ST3GAL6: variants seen among roughly 807,000 people sequenced by gnomAD.
ST3GAL6 encodes type 2 lactosamine alpha-2,3-sialyltransferase.
A neutral mutation model predicts 40.5 loss-of-function variants in ST3GAL6; 31 were observed. That is an observed-to-expected ratio of 0.77 (90% confidence interval 0.58 to 1.03). The LOEUF is 1.03. Ranked by LOEUF, ST3GAL6 falls within the 50% of genes least tolerant of loss-of-function variation. The pLI, the probability that ST3GAL6 is intolerant of heterozygous loss-of-function variation, is 0.00. For missense variants in ST3GAL6, 357 were observed against 393.2 expected, an observed-to-expected ratio of 0.91 and a Z score of 0.78; for synonymous variants, 129 against 136.9, an observed-to-expected ratio of 0.94 and a Z score of 0.40.
intron 8 of ST3GAL6, among the ~76,000 whole-genome samples, chr3:98,790,763 A>T (rs1941128060): frequency 6.6e-6 from 1 of 152,140 alleles, no homozygotes; most frequent in Non-Finnish European, 1.5e-5. Flanking sequence ...GAGCTGGTCT[A>T]TATAAAGGAA....
chr3:98,787,970 G>T, intron 6 of ST3GAL6, 66 bp from the exon 7 acceptor site: 1 of 1,441,346 alleles, frequency 6.9e-7, no homozygotes, highest in South Asian at 1.3e-5. Flanking sequence ...AAACCTCTGA[G>T]AACTGTGATG....
upstream of ST3GAL6, among the ~76,000 whole-genome samples, chr3:98,762,308 A>G (rs928232156): frequency 1.1e-4 from 17 of 152,194 alleles, no homozygotes; most frequent in Admixed American, 9.8e-4. Context: ...TAATTTGTTG[A>G]CACTACACAA....
At position 98,766,405 on chromosome 3, in the gene ST3GAL6, C is replaced by CTTTTTTT. The variant is rs369996406; in HGVS notation, c.-11-1999_-11-1993dup. ...GTTGGATCTTTGCATAAATGTCATTCTTTTTTTTTTTTTTTTTTTTTTTTT... is the reference window on the plus strand; with the variant it reads ...GTTGGATCTTTGCATAAATGTCATTCTTTTTTTTTTTTTTTTTTTTTTTTTTTTTTTT... On this transcript the variant is annotated intron_variant, in intron 1 of 9. Coordinates refer to ENST00000483910, the MANE Select transcript of ST3GAL6 (RefSeq NM_001323368.2). 1.7e-3 allele frequency among the ~76,000 whole-genome samples: 175 copies of CTTTTTTT among 104,100 alleles called. 21 individuals carry two copies. Among genetic ancestry groups the CTTTTTTT allele is most frequent in the African/African-American group, 5.3e-3 (130 of 24,416 alleles). The allele number at this position is 104,100 out of a possible 152,430, so 68.3% of individuals were successfully genotyped here.
chr3:98,782,460 G>C, intron 5 of ST3GAL6: 3 of 616,700 alleles, frequency 4.9e-6, no homozygotes, highest in Non-Finnish European at 8.6e-6. Flanking sequence ...GTCTCTTCTG[G>C]TGATGGAGAA....
chr3:98,784,804 G>A, intron 5 of ST3GAL6, 141 bp from the exon 6 acceptor site: 1 of 633,086 alleles, frequency 1.6e-6, no homozygotes, highest in Non-Finnish European at 2.8e-6. Flanking sequence ...TACAGCTCTA[G>A]ACTTGTAAGT....
At chr3:98,740,312 A>G (rs1054081317) in intron 1 of ST3GAL6, among the ~76,000 whole-genome samples, 4 of 136,118 alleles carry the variant, frequency 2.9e-5, no homozygotes, top group Non-Finnish European at 6.2e-5. Flanking sequence ...TCTTACAAAA[A>G]TCTTATATTC....
At chr3:98,763,197 G>C, upstream of ST3GAL6, 4 of 1,204,934 alleles carry the variant, frequency 3.3e-6, no homozygotes, top group Non-Finnish European at 4.2e-6. Flanking sequence ...TGCATGGCTA[G>C]AGTTGGAGGT....
At chr3:98,745,121 C>T (rs1160052236) in intron 1 of ST3GAL6, among the ~76,000 whole-genome samples, 1 of 151,984 alleles carries the variant, frequency 6.6e-6, no homozygotes, top group Non-Finnish European at 1.5e-5. Context: ...GCAACCTCTG[C>T]CTCTGGGTTT....
At chr3:98,733,366 T>G in intron 1 of ST3GAL6, 1 of 1,065,952 alleles carries the variant, frequency 9.4e-7, no homozygotes, top group Non-Finnish European at 1.1e-6. Flanking sequence ...GACCCTCTTT[T>G]GTCGAATCGC....
chr3:98,776,756 A>G (rs546013355), intron 5 of ST3GAL6, among the ~76,000 whole-genome samples: 2 of 152,208 alleles, frequency 1.3e-5, no homozygotes, highest in South Asian at 4.1e-4. Flanking sequence ...TTCTCCTTCC[A>G]TCCTCTTTGT....
At position 98,791,911 on chromosome 3, in the gene ST3GAL6, T is replaced by C; in HGVS notation, c.827T>C (p.Leu276Pro). Residue 276 changes from leucine to proline, a missense_variant, in exon 9 of 10, where the codon CTA becomes CCA. Physicochemically the swap from Leu to Pro is moderately conservative, Grantham distance 98 (BLOSUM62 -3). Coordinates refer to ENST00000483910, the MANE Select transcript of ST3GAL6 (RefSeq NM_001323368.2). ...TTTTACATATGTCACGAAGTTCACC[T>C]AGCTGGTTTTAAATACAACTTTTCT... is the stretch of plus-strand genomic sequence containing the variant. ...LAFYICHEVH[L>P]AGFKYNFSDL... 1 of 1,614,084 alleles carries C rather than the reference T, an allele frequency of 6.2e-7. No individual in the cohort carries two copies. The highest frequency in any genetic ancestry group is 8.5e-7 in the Non-Finnish European group (1 of 1,179,934).
At chr3:98,766,039 T>C (rs1027711691) in intron 1 of ST3GAL6, among the ~76,000 whole-genome samples, 3 of 152,188 alleles carry the variant, frequency 2.0e-5, no homozygotes, top group African/African-American at 7.2e-5. Flanking sequence ...TGAAATACGA[T>C]AGTGCCTTAA....
chr3:98,739,601 A>G (rs1292015624), intron 1 of ST3GAL6, among the ~76,000 whole-genome samples: 2 of 152,230 alleles, frequency 1.3e-5, no homozygotes, highest in Non-Finnish European at 2.9e-5. Flanking sequence ...GAAGTCTCAA[A>G]TGCTTTTATT....
intron 7 of ST3GAL6, 32 bp downstream of exon 7, chr3:98,788,254 T>G: frequency 1.3e-6 from 2 of 1,597,554 alleles, no homozygotes; most frequent in Non-Finnish European, 1.7e-6. Context: ...GCCTTCAGAT[T>G]ACCTTTAGTG....
At chr3:98,791,776 C>T (rs548475659) in intron 8 of ST3GAL6, 65 bp from the exon 9 acceptor site, 1 of 1,452,828 alleles carries the variant, frequency 6.9e-7, no homozygotes, top group African/African-American at 1.4e-5. Flanking sequence ...TTCAGCCAAC[C>T]AAATATGCTT....
rs2290068 is a variant in ST3GAL6, at chr3:98,788,017, T to C, written c.432-19T>C. ...TACTGCACTTGGTCTACATATCTTG[T>C]ATGTTTTACTATCCACAGAATGAAT... On this transcript the variant is annotated intron_variant, in intron 6 of 9. Coordinates refer to ENST00000483910, the MANE Select transcript of ST3GAL6 (RefSeq NM_001323368.2). 18 of 1,604,152 alleles carry C rather than the reference T, an allele frequency of 1.1e-5. No individual in the cohort carries two copies. The highest frequency in any genetic ancestry group is 1.5e-5 in the Non-Finnish European group (18 of 1,175,554).
In ST3GAL6 at chr3:98,788,212, G is replaced by A; in HGVS notation, c.608G>A (p.Gly203Asp). ...AGGTGGCTGTTGGAATTGTTGATGG[G>A]TGACAAAATAGTAAGTAGGCAAAAT... ...DLRWLLELLM[G>D]DKINTNGFWK... Residue 203 changes from glycine (G) to aspartate (D), a missense_variant, in exon 7 of 10, where the codon GGT becomes GAT. Gly to Asp is a moderately conservative substitution (Grantham distance 94). Transcript: ENST00000483910. 2 of 1,608,242 alleles carry A rather than the reference G, an allele frequency of 1.2e-6. No individual in the cohort carries two copies. Among genetic ancestry groups the A allele is most frequent in the South Asian group, 1.1e-5 (1 of 89,814 alleles).
At chr3:98,766,367 A>G (rs58169090) in intron 1 of ST3GAL6, among the ~76,000 whole-genome samples, 5,691 of 147,950 alleles carry the variant, frequency 0.038, 135 homozygotes, top group African/African-American at 0.067. Flanking sequence ...TGATACTGGT[A>G]AGTTTTATCC....
chr3:98,766,830 C>T (rs371905578), intron 1 of ST3GAL6, among the ~76,000 whole-genome samples: 2 of 152,224 alleles, frequency 1.3e-5, no homozygotes, highest in African/African-American at 4.8e-5. Flanking sequence ...ATCTAATAAC[C>T]CAAAGAGGTA....
Sources: allele counts gnomAD v4.1 joint callset (sites outside exome capture counted in the v4.1 genomes callset), GRCh38; gene constraint gnomAD v4.1.1; transcripts MANE v1.5; gene names NCBI Gene and HGNC (gene_info 2026-07-23, HGNC 2026-07-21).